DAB1: variants seen among roughly 807,000 people sequenced by gnomAD.
DAB1 encodes disabled homolog 1.
Under a neutral mutation model 64.6 loss-of-function variants are expected in DAB1, and 15 were observed. The ratio of observed to expected loss-of-function variants is 0.23; its 90% CI spans 0.16 to 0.36. DAB1 has a LOEUF of 0.36. Among genes scored for constraint, DAB1 ranks in the 10% least tolerant of loss-of-function variants. The probability of loss-of-function intolerance (pLI) is 1.00; values close to 1 mark genes in which losing one functional copy is unlikely to be tolerated. For missense variants in DAB1, 596 were observed against 706.7 expected (o/e 0.84, Z 1.78); for synonymous variants, 235 against 251.9 (o/e 0.93, Z 0.64).
chr1:58,266,911 G>A (rs973934102), intron 4 of DAB1, among the ~76,000 whole-genome samples: 1 of 152,194 alleles, frequency 6.6e-6, no homozygotes, highest in Non-Finnish European at 1.5e-5. Flanking sequence ...TTAGATGGAA[G>A]ATGTTCAGTT....
At chr1:57,005,684 A>G (rs1646041268) in intron 14 of DAB1, among the ~76,000 whole-genome samples, 1 of 152,324 alleles carries the variant, frequency 6.6e-6, no homozygotes, top group South Asian at 2.1e-4. Context: ...GATGCTATTA[A>G]AACCCAGGTG....
chr1:58,413,582 T>C (rs565707452), intron 3 of DAB1, among the ~76,000 whole-genome samples: 36 of 152,274 alleles, frequency 2.4e-4, no homozygotes, highest in Admixed American at 1.2e-3. Flanking sequence ...CTACTCCTGG[T>C]GGCTTGTGCA....
At chr1:57,421,237 C>A (rs1684858417) in intron 1 of DAB1, among the ~76,000 whole-genome samples, 1 of 152,166 alleles carries the variant, frequency 6.6e-6, no homozygotes, top group Non-Finnish European at 1.5e-5. Context: ...CTCTTCCCGG[C>A]AGCCTCACAC....
At chr1:58,316,476 T>C (rs1177601027) in intron 4 of DAB1, among the ~76,000 whole-genome samples, 1 of 152,070 alleles carries the variant, frequency 6.6e-6, no homozygotes, top group Non-Finnish European at 1.5e-5. Context: ...TGGGGACACA[T>C]AGTGAATAGA....
intron 1 of DAB1, among the ~76,000 whole-genome samples, chr1:57,355,062 C>G (rs1350686870): frequency 6.6e-6 from 1 of 151,998 alleles, no homozygotes; most frequent in South Asian, 2.1e-4. Flanking sequence ...GAGGTAGAGG[C>G]ACACCAGGAT....
At chr1:58,401,117 C>T (rs928557611) in intron 3 of DAB1, among the ~76,000 whole-genome samples, 7 of 152,142 alleles carry the variant, frequency 4.6e-5, no homozygotes, top group African/African-American at 1.7e-4. Context: ...TCTCAGAGTC[C>T]TTGAGAATAG....
intron 1 of DAB1, among the ~76,000 whole-genome samples, chr1:57,294,780 A>G (rs1044503328): frequency 2.0e-5 from 3 of 152,216 alleles, no homozygotes; most frequent in Non-Finnish European, 4.4e-5. Flanking sequence ...TAAATAGCAC[A>G]GCACAAGGCA....
intron 7 of DAB1, among the ~76,000 whole-genome samples, chr1:57,472,382 T>G (rs1687169787): frequency 6.6e-6 from 1 of 152,232 alleles, no homozygotes; most frequent in East Asian, 1.9e-4. Context: ...CCCCTCATAT[T>G]GTCTTATGCC....
chr1:57,458,455 T>C (rs1037833077), intron 7 of DAB1, among the ~76,000 whole-genome samples: 8 of 151,518 alleles, frequency 5.3e-5, no homozygotes, highest in African/African-American at 1.5e-4. Context: ...TCAAAAAATA[T>C]GCCATTCAGG....
At chr1:57,754,024 C>T (rs1396640530) in intron 6 of DAB1, among the ~76,000 whole-genome samples, 1 of 152,138 alleles carries the variant, frequency 6.6e-6, no homozygotes, top group Non-Finnish European at 1.5e-5. Context: ...AACTAACTTG[C>T]CGTGGGTCAC....
At chr1:57,995,829 A>T (rs1001912101) in intron 5 of DAB1, among the ~76,000 whole-genome samples, 8 of 151,972 alleles carry the variant, frequency 5.3e-5, no homozygotes, top group Non-Finnish European at 1.2e-4. Context: ...TCTCAGAAAA[A>T]AAAAAAGGTA....
chr1:57,068,297 A>G (rs2100586003), intron 8 of DAB1, among the ~76,000 whole-genome samples: 1 of 152,316 alleles, frequency 6.6e-6, no homozygotes, highest in South Asian at 2.1e-4. Flanking sequence ...GGTAAGCCAC[A>G]ACTTTGAAAA....
chr1:58,506,280 T>C, intron 2 of DAB1: 1 of 720,620 alleles, frequency 1.4e-6, no homozygotes. Flanking sequence ...ACTACTTTAT[T>C]TTTTTTTAAT....
At chr1:57,923,695 G>A (rs926177547) in intron 5 of DAB1, among the ~76,000 whole-genome samples, 2 of 152,182 alleles carry the variant, frequency 1.3e-5, no homozygotes, top group African/African-American at 4.8e-5. Context: ...CAATGTTGTC[G>A]TGGATATAAC....
In DAB1 at chr1:57,547,995, C is replaced by A. The variant is rs140155282; in HGVS notation, n.625+101597G>T. Among the ~76,000 whole-genome samples, 278 of 152,242 alleles carry A rather than the reference C, an allele frequency of 1.8e-3. 2 individuals carry two copies. Among genetic ancestry groups the A allele is most frequent in the Middle Eastern group, 6.8e-3 (2 of 292 alleles). On this transcript the variant is annotated intron_variant and non_coding_transcript_variant, in intron 7 of 20. Coordinates refer to the DAB1 transcript ENST00000485760. ...TGAATGAATAAATGAGTGATAGAAACAACTTTTTATCTATCTGTTCACAAT... is the reference window on the plus strand; with the variant it reads ...TGAATGAATAAATGAGTGATAGAAAAAACTTTTTATCTATCTGTTCACAAT...
rs74706237 is a variant in DAB1, at chr1:58,277,658, G to T, written n.309+65694C>A. On this transcript the variant is annotated intron_variant and non_coding_transcript_variant, in intron 4 of 20. Coordinates refer to the DAB1 transcript ENST00000485760. ...ATGAATACAGCCAGATCCCTGCTGTGGTGGAAACCATGGTCTAAAGAGAGA... is the reference window on the plus strand; with the variant it reads ...ATGAATACAGCCAGATCCCTGCTGTTGTGGAAACCATGGTCTAAAGAGAGA... 2.3e-3 allele frequency among the ~76,000 whole-genome samples: 354 copies of T among 152,158 alleles called. 1 individual carries two copies. The highest frequency in any genetic ancestry group is 8.0e-3 in the African/African-American group (330 of 41,506).
intron 4 of DAB1, among the ~76,000 whole-genome samples, chr1:58,269,282 G>T (rs1661254592): frequency 6.6e-6 from 1 of 151,284 alleles, no homozygotes; most frequent in Non-Finnish European, 1.5e-5. Context: ...TTTTGTTCTT[G>T]TGATAGTTTA....
intron 6 of DAB1, among the ~76,000 whole-genome samples, chr1:57,773,088 C>G (rs1237593395): frequency 6.6e-6 from 1 of 152,014 alleles, no homozygotes; most frequent in Non-Finnish European, 1.5e-5. Flanking sequence ...TCCCTAGAAC[C>G]TTCAGGACCA....
intron 5 of DAB1, among the ~76,000 whole-genome samples, chr1:57,955,546 C>T (rs1645372884): frequency 6.6e-6 from 1 of 150,728 alleles, no homozygotes; most frequent in African/African-American, 2.4e-5. Flanking sequence ...TTCTGTTTCA[C>T]TTTCAGTCAC....
Sources: allele counts gnomAD v4.1 joint callset (sites outside exome capture counted in the v4.1 genomes callset), GRCh38; gene constraint gnomAD v4.1.1; transcripts MANE v1.5; gene names NCBI Gene and HGNC (gene_info 2026-07-23, HGNC 2026-07-21).